TRAK1: variants seen among roughly 807,000 people sequenced by gnomAD.
TRAK1 encodes the protein trafficking kinesin protein 1.
TRAK1 carries 33 observed loss-of-function variants against 92.1 expected under a neutral mutation model. That is an observed-to-expected ratio of 0.36 (90% CI 0.27 to 0.48). The LOEUF is 0.48. TRAK1 is among the 20% of genes least tolerant of loss of function. The probability of loss-of-function intolerance (pLI) is 0.99; values close to 1 mark genes in which losing one functional copy is unlikely to be tolerated. For missense variants in TRAK1, 1,123 were observed against 1,257.9 expected (o/e 0.89, Z 1.62); for synonymous variants, 521 against 517.3 (o/e 1.01, Z -0.10).
chr3:42,219,159 A>T, intron 14 of TRAK1: 1 of 985,332 alleles, frequency 1.0e-6, no homozygotes, highest in Non-Finnish European at 1.2e-6. Context: ...CTGAGGAGGG[A>T]AACCAAATTT....
intron 1 of TRAK1, among the ~76,000 whole-genome samples, chr3:42,106,625 T>C (rs572962445): frequency 3.5e-4 from 53 of 152,318 alleles, no homozygotes; most frequent in African/African-American, 1.3e-3. Context: ...AATTATAATG[T>C]TGTATTTATT....
At chr3:42,056,243 T>A (rs562422646) in intron 1 of TRAK1, among the ~76,000 whole-genome samples, 22 of 152,340 alleles carry the variant, frequency 1.4e-4, no homozygotes, top group Admixed American at 3.3e-4. Flanking sequence ...GTATTTAACA[T>A]TTTGATAAAT....
chr3:42,203,963 T>G (rs1176465253), intron 13 of TRAK1: 4 of 985,746 alleles, frequency 4.1e-6, no homozygotes, highest in Non-Finnish European at 4.8e-6. Context: ...AGGTTGTGCT[T>G]GTTAAAGACC....
At chr3:42,074,554 C>G (rs1388007133) in intron 1 of TRAK1, among the ~76,000 whole-genome samples, 1 of 152,164 alleles carries the variant, frequency 6.6e-6, no homozygotes, top group African/African-American at 2.4e-5. Flanking sequence ...AAGTGACTGT[C>G]TGCAAGTTAG....
At chr3:42,087,108 C>T (rs1486794943), upstream of TRAK1, 1 of 152,462 alleles carries the variant, frequency 6.6e-6, no homozygotes, top group African/African-American at 2.4e-5. Flanking sequence ...CCATAGATTC[C>T]CTATAAGGAG....
chr3:42,024,025 G>GA (rs1315845071), intron 1 of TRAK1, among the ~76,000 whole-genome samples: 10 of 152,128 alleles, frequency 6.6e-5, no homozygotes, highest in African/African-American at 2.4e-4. Flanking sequence ...AAAGTGCTGG[G>GA]ATTACAGGCG....
chr3:42,055,083 C>T (rs1703146023), intron 1 of TRAK1, among the ~76,000 whole-genome samples: 1 of 151,910 alleles, frequency 6.6e-6, no homozygotes, highest in African/African-American at 2.4e-5. Context: ...TCATACCCAG[C>T]TAATTTTTGT....
chr3:42,188,038 T>C lies in TRAK1; in HGVS notation c.481-7T>C, dbSNP rs763603998. ...AAGCAAATGATGGGCCTGCTCTGCTTGTGCAGGTGTCTCAGCTCCGGCATG... is the reference window on the plus strand; with the variant it reads ...AAGCAAATGATGGGCCTGCTCTGCTCGTGCAGGTGTCTCAGCTCCGGCATG... On this transcript the variant is annotated splice_region_variant and splice_polypyrimidine_tract_variant and intron_variant, in intron 4 of 15. Coordinates refer to ENST00000327628, the MANE Select transcript of TRAK1 (RefSeq NM_001042646.3). 3 of 1,613,364 alleles carry C rather than the reference T, an allele frequency of 1.9e-6. No individual in the cohort carries two copies. The highest frequency in any genetic ancestry group is 2.7e-5 in the African/African-American group (2 of 75,018).
chr3:42,173,158 A>C (rs11926100), intron 2 of TRAK1, among the ~76,000 whole-genome samples: 4,889 of 152,244 alleles, frequency 0.032, 292 homozygotes, highest in African/African-American at 0.11. Flanking sequence ...ACAAAAGAAA[A>C]AAAAATTATC....
chr3:42,179,135 G>A (rs998216607), intron 3 of TRAK1, among the ~76,000 whole-genome samples: 1 of 152,146 alleles, frequency 6.6e-6, no homozygotes, highest in Non-Finnish European at 1.5e-5. Context: ...TTTTTAAAGG[G>A]TCTTCATGGC....
intron 1 of TRAK1, among the ~76,000 whole-genome samples, chr3:42,026,587 T>C (rs9882416): frequency 0.16 from 23,961 of 150,562 alleles, 2,494 homozygotes; most frequent in Middle Eastern, 0.29. Flanking sequence ...TGCAGTGGCA[T>C]GATCTCAGCT....
intron 1 of TRAK1, among the ~76,000 whole-genome samples, chr3:42,109,491 T>C (rs1708043082): frequency 6.6e-6 from 1 of 152,190 alleles, no homozygotes; most frequent in South Asian, 2.1e-4. Flanking sequence ...TTGCTGGATA[T>C]TTTACTAATC....
chr3:42,113,466 C>T lies in TRAK1; in HGVS notation c.92-11954C>T, dbSNP rs534687082. On this transcript the variant is annotated intron_variant, in intron 1 of 15. Transcript: ENST00000327628. ...GAGGCAGAGTTTCACTCTTGTTGCC[C>T]AGGCTGGAGCGCAGTGGCATGATCT... Among the ~76,000 whole-genome samples, 3 of 151,632 alleles carry T rather than the reference C, an allele frequency of 2.0e-5. No homozygotes were observed. The East Asian group carries it at 5.9e-4, about 30-fold the overall frequency.
At chr3:42,218,018 G>A (rs1030928221) in intron 14 of TRAK1, 15 of 984,982 alleles carry the variant, frequency 1.5e-5, no homozygotes, top group African/African-American at 1.8e-5. Flanking sequence ...TCCTGTGGCC[G>A]TGGTGCTGGC....
intron 2 of TRAK1, among the ~76,000 whole-genome samples, chr3:42,153,116 A>T (rs190055622): frequency 7.9e-5 from 12 of 152,326 alleles, no homozygotes; most frequent in Non-Finnish European, 1.2e-4. Flanking sequence ...GAAAAGGCTA[A>T]TGGGGGCCTG....
chr3:42,077,780 A>G (rs1433935181), intron 1 of TRAK1, among the ~76,000 whole-genome samples: 1 of 152,292 alleles, frequency 6.6e-6, no homozygotes, highest in East Asian at 1.9e-4. Context: ...AATGATACTG[A>G]TTTTTGTACA....
At chr3:42,077,155 A>G (rs1704199127) in intron 1 of TRAK1, among the ~76,000 whole-genome samples, 2 of 152,266 alleles carry the variant, frequency 1.3e-5, no homozygotes, top group South Asian at 4.1e-4. Context: ...ATTTTAGAAT[A>G]GTTTTTTTCT....
rs558304513 is a variant in TRAK1 at position 42,112,298 on chromosome 3, A to G, written c.92-13122A>G. Among the ~76,000 whole-genome samples, 16 of 151,062 alleles carry G rather than the reference A, an allele frequency of 1.1e-4. No individual in the cohort carries two copies. In the South Asian group the frequency reaches 3.4e-3, roughly 32 times the overall value. ...AAACCCCGTCTCTACTATAAATACA[A>G]AAATTAGCTGGGTCAGCTACTTGGG... is the stretch of plus-strand genomic sequence containing the variant. On this transcript the variant is annotated intron_variant, in intron 1 of 15. Coordinates refer to ENST00000327628, the MANE Select transcript of TRAK1 (RefSeq NM_001042646.3).
At position 42,124,472 on chromosome 3, in the gene TRAK1, G is replaced by A. The variant is rs1028266585; in HGVS notation, c.92-948G>A. Among the ~76,000 whole-genome samples, 14 of 152,292 alleles carry A rather than the reference G, an allele frequency of 9.2e-5. 1 individual carries two copies. The East Asian group carries it at 2.5e-3, about 27-fold the overall frequency. The stretch of plus-strand genomic sequence containing the variant: ...GTAAGCACTGGGATAGAGAAGTAGG[G>A]TACATATCCTGGTTATGTTTGCCAT... On this transcript the variant is annotated intron_variant, in intron 1 of 15. Transcript: ENST00000327628.
Sources: allele counts gnomAD v4.1 joint callset (sites outside exome capture counted in the v4.1 genomes callset), GRCh38; gene constraint gnomAD v4.1.1; transcripts MANE v1.5; gene names NCBI Gene and HGNC (gene_info 2026-07-23, HGNC 2026-07-21).